Variants in PCDHA7 observed in about 807,000 individuals in gnomAD.
PCDHA7 encodes the protein protocadherin alpha-7.
PCDHA7 carries 37 observed loss-of-function variants against 57.2 expected under a neutral mutation model. The ratio of observed to expected loss-of-function variants is 0.65; its 90% confidence interval spans 0.50 to 0.85. PCDHA7 has a LOEUF of 0.85. Ranked by LOEUF, PCDHA7 falls within the 40% of genes least tolerant of loss-of-function variation. The pLI is 0.00. For synonymous variants in PCDHA7, 553 were observed against 558.8 expected (o/e 0.99, Z 0.15); for missense variants, 1,188 against 1,241.8 (o/e 0.96, Z 0.65).
rs2150262864 is a variant in PCDHA7 at position 140,836,525 on chromosome 5, C to T, written c.2142C>T (p.Thr714=). 6.2e-6 allele frequency: 10 copies of T among 1,613,836 alleles called. No homozygotes were observed. In the South Asian group the frequency reaches 1.1e-4, roughly 18 times the overall value. Residue 714 remains threonine, a synonymous_variant, in exon 1 of 4, where the codon ACC becomes ACT. Coordinates refer to ENST00000525929, the MANE Select transcript of PCDHA7 (RefSeq NM_018910.3). ...CGGTGTCCAGTCTGTTGGTGCTTAC[C>T]CTGCTGCTGTACACGGCGTTGCGGT... The part of the protein sequence containing the change: ...ICAVSSLLVL[T]LLLYTALRCS...
chr5:140,856,315 T>A (rs782568790), intron 1 of PCDHA7: 4 of 1,598,576 alleles, frequency 2.5e-6, no homozygotes, highest in Non-Finnish European at 3.4e-6. Context: ...ATTCTCGGAT[T>A]GACCGCGAGG....
chr5:140,927,011 C>T, intron 1 of PCDHA7: 1 of 1,612,606 alleles, frequency 6.2e-7, no homozygotes, highest in Non-Finnish European at 8.5e-7. Context: ...GGCAATCTCT[C>T]CGCGGACTTG....
chr5:140,953,099 G>A lies in PCDHA7; in HGVS notation c.2356-25850G>A, dbSNP rs1554220803. On this transcript the variant is annotated intron_variant, in intron 1 of 3. Transcript: ENST00000525929. ...CATTGGGGATTACAATTTGACATGA[G>A]ATTTGGGCAGGGACACAGATCTAAA... Among the ~76,000 whole-genome samples, 7 of 152,256 alleles carry A rather than the reference G, an allele frequency of 4.6e-5. 1 individual carries two copies. Among genetic ancestry groups the A allele is most frequent in the South Asian group, 2.1e-4 (1 of 4,828 alleles).
In PCDHA7 at chr5:141,010,363, G is replaced by A; in HGVS notation, c.*426G>A. On this transcript the variant is annotated 3_prime_UTR_variant, in exon 4 of 4. Coordinates refer to ENST00000525929, the MANE Select transcript of PCDHA7 (RefSeq NM_018910.3). ...CACTGGGTATGTGTGGCTACCGCGG[G>A]TATGCGAGTGCCAGATATTGGCTGA... 7 of 1,480,446 alleles carry A rather than the reference G, an allele frequency of 4.7e-6. No homozygotes were observed. The highest frequency in any genetic ancestry group is 5.4e-6 in the Non-Finnish European group (6 of 1,112,646). 91.7% of individuals were successfully genotyped at this position (1,480,446 alleles called of 1,614,324 possible). A position where few individuals can be genotyped will look rare whatever the true frequency, so the allele number is the denominator to read the frequency against.
At chr5:140,899,714 T>C (rs1554188719) in intron 1 of PCDHA7, among the ~76,000 whole-genome samples, 1 of 152,242 alleles carries the variant, frequency 6.6e-6, no homozygotes, top group African/African-American at 2.4e-5. Context: ...TAGGGAGGAT[T>C]CCCTCTTTTT....
chr5:140,870,825 C>G (rs1554164734), intron 1 of PCDHA7: 1 of 1,613,726 alleles, frequency 6.2e-7, no homozygotes. Flanking sequence ...GCGCGGGAGG[C>G]GCAGTTAACA....
At chr5:140,950,546 C>G (rs1323652854) in intron 1 of PCDHA7, among the ~76,000 whole-genome samples, 4 of 151,970 alleles carry the variant, frequency 2.6e-5, no homozygotes, top group Non-Finnish European at 4.4e-5. Flanking sequence ...TCTTGCATGG[C>G]TGGGGGGACA....
chr5:140,906,575 T>C (rs1443480852), intron 1 of PCDHA7, among the ~76,000 whole-genome samples: 1 of 152,242 alleles, frequency 6.6e-6, no homozygotes, highest in Non-Finnish European at 1.5e-5. Context: ...ATAGCTGGTA[T>C]TGATGACTAC....
At chr5:140,957,641 T>G (rs1554223056) in intron 1 of PCDHA7, among the ~76,000 whole-genome samples, 1 of 152,110 alleles carries the variant, frequency 6.6e-6, no homozygotes, top group African/African-American at 2.4e-5. Flanking sequence ...AGAAATGCAC[T>G]TAAATATTCA....
chr5:140,978,246 C>T (rs1243560833), intron 1 of PCDHA7, among the ~76,000 whole-genome samples: 1 of 152,148 alleles, frequency 6.6e-6, no homozygotes, highest in Non-Finnish European at 1.5e-5. Flanking sequence ...TCAGCTACTC[C>T]CTGTTAAACA....
intron 1 of PCDHA7, among the ~76,000 whole-genome samples, chr5:140,918,366 T>G (rs1203283831): frequency 2.0e-5 from 3 of 152,180 alleles, no homozygotes; most frequent in African/African-American, 7.2e-5. Flanking sequence ...CTCTGCCTAT[T>G]TGGATGCCTT....
rs2150435239 is a variant in PCDHA7, at chr5:140,849,330, T to C, written c.2355+12592T>C. On this transcript the variant is annotated intron_variant, in intron 1 of 3. Transcript: ENST00000525929. Reference sequence around the variant, plus strand: ...CGAAGGCTTGAATGGGGATATTATTTACTCCTTCTCCAGTGATGTTTCTCC... The same window carrying C: ...CGAAGGCTTGAATGGGGATATTATTCACTCCTTCTCCAGTGATGTTTCTCC... 7 of 1,375,184 alleles carry C rather than the reference T, an allele frequency of 5.1e-6. No individual in the cohort carries two copies. In the South Asian group the frequency reaches 8.9e-5, roughly 17 times the overall value. 85.2% of individuals were successfully genotyped at this position (1,375,184 alleles called of 1,614,324 possible).
chr5:140,982,224 A>T, intron 2 of PCDHA7: 1 of 587,320 alleles, frequency 1.7e-6, no homozygotes, highest in South Asian at 3.8e-5. Context: ...TGGCGTTAAT[A>T]AAAAACAGAA....
intron 1 of PCDHA7, among the ~76,000 whole-genome samples, chr5:140,895,037 C>G (rs28619398): frequency 6.6e-6 from 1 of 152,134 alleles, no homozygotes; most frequent in Non-Finnish European, 1.5e-5. Context: ...TTGTCCCCCA[C>G]CCACACCATT....
intron 1 of PCDHA7, chr5:140,870,674 A>G (rs893862947): frequency 7.4e-6 from 12 of 1,612,566 alleles, no homozygotes; most frequent in Admixed American, 6.7e-5. Flanking sequence ...CCGTTGGACC[A>G]CGAGGAGCTG....
intron 1 of PCDHA7, among the ~76,000 whole-genome samples, chr5:140,978,488 C>A (rs1453613410): frequency 6.6e-6 from 1 of 152,224 alleles, no homozygotes; most frequent in African/African-American, 2.4e-5. Context: ...TCTGCAAAGC[C>A]AGCAGCAGAT....
At chr5:140,875,769 C>A (rs782227729) in intron 1 of PCDHA7, 1 of 1,614,224 alleles carries the variant, frequency 6.2e-7, no homozygotes, top group South Asian at 1.1e-5. Context: ...GCGGGCGGAG[C>A]GCGGAGTGCA....
intron 1 of PCDHA7, chr5:140,875,805 C>A: frequency 6.2e-7 from 1 of 1,614,172 alleles, no homozygotes; most frequent in Non-Finnish European, 8.5e-7. Context: ...TGATCGTGGA[C>A]AGGCCGCTGC....
chr5:140,842,977 G>A (rs2150349031), intron 1 of PCDHA7: 2 of 1,595,034 alleles, frequency 1.3e-6, no homozygotes, highest in East Asian at 2.2e-5. Flanking sequence ...TGACGCTGCA[G>A]GTGTTCGTGC....
Sources: allele counts gnomAD v4.1 joint callset (sites outside exome capture counted in the v4.1 genomes callset), GRCh38; gene constraint gnomAD v4.1.1; transcripts MANE v1.5; gene names NCBI Gene and HGNC (gene_info 2026-07-23, HGNC 2026-07-21).